Variants in THOC2 observed in about 807,000 individuals in gnomAD.
THOC2 encodes the protein THO complex 2.
A neutral mutation model predicts 128.4 loss-of-function variants in THOC2; 10 were observed. The observed-to-expected ratio is 0.08, with a 90% CI of 0.05 to 0.13. The LOEUF is 0.13. Among genes scored for constraint, THOC2 ranks in the 10% least tolerant of loss-of-function variants. The probability of loss-of-function intolerance (pLI) is 1.00; values close to 1 mark genes in which losing one functional copy is unlikely to be tolerated. For synonymous variants in THOC2, 393 were observed against 396.9 expected (o/e 0.99, Z 0.12); for missense variants, 535 against 1,155.7 (o/e 0.46, Z 7.79).
At chrX:123,679,964 T>A (rs1375156656) in intron 8 of THOC2, among the ~76,000 whole-genome samples, 1 of 112,327 alleles carries the variant, frequency 8.9e-6, no homozygotes, top group African/African-American at 3.2e-5. Context: ...TGCGGAAGGC[T>A]GCAGGGACCC....
chrX:123,710,611 TG>T lies in THOC2; in HGVS notation c.130+2238del, dbSNP rs775837570. On this transcript the variant is annotated intron_variant, in intron 2 of 38. Transcript: ENST00000245838. ...AAGCAGGATAAACAAGAAAATAATT[TG>T]GGGGGTGGCAGGCTAGGAATGTTAA... 3.6e-3 allele frequency among the ~76,000 whole-genome samples: 403 copies of T among 111,085 alleles called. 1 individual carries two copies. The highest frequency in any genetic ancestry group is 6.2e-3 in the Non-Finnish European group (327 of 52,967).
At chrX:123,710,419 T>C (rs988338961) in intron 2 of THOC2, among the ~76,000 whole-genome samples, 4 of 112,309 alleles carry the variant, frequency 3.6e-5, no homozygotes, top group African/African-American at 1.3e-4. Context: ...ACTGAGATGT[T>C]AAAAACTGAT....
rs754777231 is a variant in THOC2, at chrX:123,671,864, G to T, written c.769-103C>A. The stretch of plus-strand genomic sequence containing the variant: ...AAGAACAATTAGATCAAATACTCTA[G>T]GCCAAGAAAATGCTTCACTGCTCTT... On this transcript the variant is annotated intron_variant, in intron 8 of 38. Transcript: ENST00000245838. 2.0e-5 allele frequency: 8 copies of T among 406,210 alleles called. No individual in the cohort carries two copies. In the African/African-American group the frequency reaches 2.0e-4, roughly 10 times the overall value. The allele number at this position is 406,210 out of a possible 1,213,427, so 33.5% of individuals were successfully genotyped here.
intron 24 of THOC2, among the ~76,000 whole-genome samples, 155 bp downstream of exon 24, chrX:123,626,366 A>T (rs1569339273): frequency 4.4e-5 from 5 of 112,522 alleles, no homozygotes; most frequent in Admixed American, 3.8e-4. Context: ...TCCAGTGAAC[A>T]TGAAGTTGAT....
intron 1 of THOC2, among the ~76,000 whole-genome samples, chrX:123,715,283 C>G (rs1171395464): frequency 9.1e-6 from 1 of 109,388 alleles, no homozygotes; most frequent in Non-Finnish European, 1.9e-5. Flanking sequence ...AGCAATCTGC[C>G]CACCTCAGCC....
At chrX:123,706,557 C>T (rs1301340874) in intron 3 of THOC2, among the ~76,000 whole-genome samples, 2 of 87,234 alleles carry the variant, frequency 2.3e-5, no homozygotes, top group Non-Finnish European at 4.3e-5. Flanking sequence ...CATTACAGCA[C>T]AGGCTTTTTT....
Position 123,696,148 on chromosome X carries a change from CT to C in THOC2, c.473del (p.Lys158SerfsTer8). 1 of 1,164,045 alleles carries C rather than the reference CT, an allele frequency of 8.6e-7. No individual in the cohort carries two copies. The highest frequency in any genetic ancestry group is 1.2e-6 in the Non-Finnish European group (1 of 858,545). Reference protein sequence around the residue: ...SVKIKTKLFYKQQKFNLLREE... With the variant: ...SVKIKTKLFYXQQKFNLLREE... ...CTCTTAACAAATTGAATTTTTGCTG[CT>C]TATAACTGAAATCAGATAAATATCA... On this transcript the variant is annotated frameshift_variant, in exon 7 of 39. Transcript: ENST00000245838. LOFTEE classifies it high-confidence loss of function.
chrX:123,611,748 T>G (rs933406426), intron 36 of THOC2, among the ~76,000 whole-genome samples: 1 of 101,549 alleles, frequency 9.8e-6, no homozygotes, highest in Non-Finnish European at 2.0e-5. Context: ...CCTATAGAAC[T>G]GGAGAAAAAA....
intron 15 of THOC2, among the ~76,000 whole-genome samples, chrX:123,640,974 T>A (rs892609295): frequency 8.9e-6 from 1 of 111,853 alleles, no homozygotes; most frequent in Admixed American, 9.5e-5. Flanking sequence ...GGAGGACTCA[T>A]CAGTTTAGGG....
intron 19 of THOC2, among the ~76,000 whole-genome samples, chrX:123,635,744 T>C (rs902294906): frequency 8.9e-6 from 1 of 111,965 alleles, no homozygotes; most frequent in African/African-American, 3.2e-5. Context: ...TACTGCATAC[T>C]GACCTAGTGC....
chrX:123,611,365 G>T, intron 37 of THOC2, 75 bp downstream of exon 37: 1 of 784,549 alleles, frequency 1.3e-6, no homozygotes, highest in Non-Finnish European at 1.9e-6. Flanking sequence ...CATACTAAAA[G>T]AGTACAATTG....
chrX:123,696,553 T>C (rs1157221701), intron 6 of THOC2, among the ~76,000 whole-genome samples, 168 bp downstream of exon 6: 1 of 111,480 alleles, frequency 9.0e-6, no homozygotes, highest in Non-Finnish European at 1.9e-5. Flanking sequence ...TAAAGATCAC[T>C]GATGACTCAA....
At chrX:123,680,510 G>A (rs1004421662) in intron 8 of THOC2, among the ~76,000 whole-genome samples, 3 of 109,357 alleles carry the variant, frequency 2.7e-5, no homozygotes, top group African/African-American at 1.0e-4. Context: ...GCTGAACGCC[G>A]GTCCCCTGGG....
intron 12 of THOC2, among the ~76,000 whole-genome samples, chrX:123,648,672 C>T (rs755526063): frequency 6.3e-4 from 71 of 112,034 alleles, no homozygotes; most frequent in Non-Finnish European, 1.1e-3. Context: ...GCGGGTTTTC[C>T]CCTCACAGTG....
intron 2 of THOC2, among the ~76,000 whole-genome samples, chrX:123,712,035 A>G (rs1272808776): frequency 3.7e-5 from 4 of 108,502 alleles, no homozygotes. Context: ...AAATAAATAT[A>G]TATATATGTA....
At chrX:123,634,708 T>C (rs1046919001) in intron 19 of THOC2, among the ~76,000 whole-genome samples, 28 of 111,543 alleles carry the variant, frequency 2.5e-4, no homozygotes, top group African/African-American at 7.2e-4. Flanking sequence ...AAATAATCCA[T>C]TTACTAAACA....
intron 11 of THOC2, 51 bp downstream of exon 11, chrX:123,667,055 A>T: frequency 1.1e-6 from 1 of 871,082 alleles, no homozygotes; most frequent in Non-Finnish European, 1.6e-6. Flanking sequence ...ATTTTGTTGT[A>T]GTCCTAAGCT....
chrX:123,627,451 G>A (rs1004508466), intron 23 of THOC2, among the ~76,000 whole-genome samples: 3 of 111,563 alleles, frequency 2.7e-5, no homozygotes, highest in African/African-American at 9.8e-5. Context: ...ATCACTTTAA[G>A]TTACTAGCAT....
intron 2 of THOC2, among the ~76,000 whole-genome samples, chrX:123,709,317 C>A (rs1442005544): frequency 9.0e-6 from 1 of 111,643 alleles, no homozygotes; most frequent in African/African-American, 3.3e-5. Flanking sequence ...AGAGGCCGGG[C>A]GCGGTGGCTC....
Sources: gnomAD v4.1 joint callset for allele counts (sites outside exome capture counted in the v4.1 genomes callset) on GRCh38, gnomAD v4.1.1 for gene constraint, MANE v1.5 for transcripts, NCBI Gene and HGNC (gene_info 2026-07-23, HGNC 2026-07-21) for gene names.